Variants in TAFA2 observed in about 807,000 individuals in gnomAD.
TAFA2 encodes the protein chemokine-like protein TAFA-2.
A neutral mutation model predicts 18.8 loss-of-function variants in TAFA2; 7 were observed. The observed-to-expected ratio is 0.37, with a 90% CI of 0.21 to 0.70. TAFA2 has a LOEUF of 0.70. TAFA2 is among the 30% of genes least tolerant of loss of function. TAFA2 has a pLI of 0.53. For missense variants in TAFA2, 122 were observed against 158.1 expected, an observed-to-expected ratio of 0.77 and a Z score of 1.23; for synonymous variants, 60 against 54.2, an observed-to-expected ratio of 1.11 and a Z score of -0.47.
chr12:61,902,469 T>C (rs1876149117), intron 1 of TAFA2, among the ~76,000 whole-genome samples: 1 of 152,184 alleles, frequency 6.6e-6, no homozygotes, highest in African/African-American at 2.4e-5. Context: ...GAGCATACCC[T>C]TATTTTTTAA....
intron 1 of TAFA2, among the ~76,000 whole-genome samples, chr12:62,071,098 T>G (rs1209032643): frequency 1.3e-5 from 2 of 152,360 alleles, no homozygotes; most frequent in Non-Finnish European, 2.9e-5. Context: ...GTACTGTGAA[T>G]ACAGTGATGA....
chr12:61,847,386 G>T (rs1051243281), intron 2 of TAFA2, among the ~76,000 whole-genome samples: 1 of 152,056 alleles, frequency 6.6e-6, no homozygotes, highest in African/African-American at 2.4e-5. Flanking sequence ...ATACATATTT[G>T]TTGAATGAAT....
At chr12:62,035,612 A>T (rs1881579210) in intron 1 of TAFA2, among the ~76,000 whole-genome samples, 1 of 151,332 alleles carries the variant, frequency 6.6e-6, no homozygotes, top group Non-Finnish European at 1.5e-5. Flanking sequence ...GTGTGCCTGG[A>T]GTGGAGAGTG....
At chr12:62,216,683 C>T (rs1182801352) in intron 1 of TAFA2, among the ~76,000 whole-genome samples, 1 of 152,172 alleles carries the variant, frequency 6.6e-6, no homozygotes, top group Non-Finnish European at 1.5e-5. Flanking sequence ...ATTTTCCAAT[C>T]TTATTGGAAA....
At chr12:61,738,941 G>A (rs943517611) in intron 4 of TAFA2, among the ~76,000 whole-genome samples, 6 of 152,040 alleles carry the variant, frequency 3.9e-5, no homozygotes, top group African/African-American at 1.4e-4. Flanking sequence ...TTTGAGTTAT[G>A]AGAAAACTGG....
intron 2 of TAFA2, among the ~76,000 whole-genome samples, chr12:61,854,474 T>C (rs1035390281): frequency 2.0e-4 from 31 of 151,912 alleles, no homozygotes; most frequent in African/African-American, 7.5e-4. Context: ...AGGATATGAA[T>C]TGCCAGATAA....
At chr12:61,893,058 G>A (rs999195450) in intron 1 of TAFA2, among the ~76,000 whole-genome samples, 2 of 152,106 alleles carry the variant, frequency 1.3e-5, no homozygotes, top group African/African-American at 4.8e-5. Context: ...AACTTTAAAG[G>A]TGGAACAGAG....
In TAFA2 at chr12:62,000,362, C is replaced by T. The variant is rs750129208; in HGVS notation, c.-1-132936G>A. 8.9e-5 allele frequency among the ~76,000 whole-genome samples: 13 copies of T among 146,166 alleles called. 3 individuals carry two copies. The highest frequency in any genetic ancestry group is 1.5e-4 in the Non-Finnish European group (10 of 66,408). ...ATAGTAGTTGGCAAATACCTTGATA[C>T]GGCCATGGTAGCTGTGAACTAGATT... is the stretch of plus-strand genomic sequence containing the variant. On this transcript the variant is annotated intron_variant, in intron 1 of 4. Coordinates refer to ENST00000416284, the MANE Select transcript of TAFA2 (RefSeq NM_178539.5).
intron 1 of TAFA2, among the ~76,000 whole-genome samples, chr12:62,179,697 T>C (rs1592385862): frequency 6.6e-6 from 1 of 152,296 alleles, no homozygotes; most frequent in Non-Finnish European, 1.5e-5. Context: ...GATTTATTCT[T>C]TTCTAACTTC....
chr12:61,817,792 C>G (rs1041676709), intron 2 of TAFA2, among the ~76,000 whole-genome samples: 4 of 152,144 alleles, frequency 2.6e-5, no homozygotes, highest in Non-Finnish European at 1.5e-5. Context: ...AATCAGCTAC[C>G]TCAAAATGAC....
At chr12:61,721,144 T>C (rs953927772) in intron 4 of TAFA2, among the ~76,000 whole-genome samples, 1 of 152,060 alleles carries the variant, frequency 6.6e-6, no homozygotes, top group Non-Finnish European at 1.5e-5. Flanking sequence ...CACACACCTT[T>C]AAATGGGACT....
At chr12:62,211,309 G>A (rs987593569) in intron 1 of TAFA2, among the ~76,000 whole-genome samples, 6 of 152,196 alleles carry the variant, frequency 3.9e-5, no homozygotes, top group Non-Finnish European at 8.8e-5. Flanking sequence ...GCCAGGCACA[G>A]TGGCTCATGC....
At chr12:62,016,167 G>A (rs767218127) in intron 1 of TAFA2, among the ~76,000 whole-genome samples, 1 of 152,124 alleles carries the variant, frequency 6.6e-6, no homozygotes, top group Non-Finnish European at 1.5e-5. Context: ...CTGGGTCCTC[G>A]GTTTGTTTTT....
At chr12:61,785,834 T>C (rs562328850) in intron 2 of TAFA2, among the ~76,000 whole-genome samples, 16 of 151,706 alleles carry the variant, frequency 1.1e-4, no homozygotes, top group Middle Eastern at 3.4e-3. Context: ...TGTTAAGTGA[T>C]TCATGACTGT....
At chr12:62,234,916 T>G (rs2062829531) in intron 1 of TAFA2, 1 of 887,946 alleles carries the variant, frequency 1.1e-6, no homozygotes, top group Non-Finnish European at 1.9e-6. Context: ...GGGCAACATC[T>G]GAGCCACGGA....
At chr12:61,932,305 T>A (rs1292781058) in intron 1 of TAFA2, among the ~76,000 whole-genome samples, 1 of 152,172 alleles carries the variant, frequency 6.6e-6, no homozygotes, top group Non-Finnish European at 1.5e-5. Context: ...GTGTTCAGAT[T>A]TTGAAAAGAA....
At chr12:61,750,735 T>A (rs571389134) in intron 4 of TAFA2, among the ~76,000 whole-genome samples, 57 of 152,272 alleles carry the variant, frequency 3.7e-4, no homozygotes, top group Non-Finnish European at 2.1e-4. Flanking sequence ...CCAGATTGGC[T>A]ATGGGCCATT....
At chr12:62,071,338 A>T (rs866135946) in intron 1 of TAFA2, among the ~76,000 whole-genome samples, 3 of 152,200 alleles carry the variant, frequency 2.0e-5, no homozygotes, top group Admixed American at 1.3e-4. Flanking sequence ...GGATCACAAA[A>T]TAAGCTCAAA....
intron 1 of TAFA2, among the ~76,000 whole-genome samples, chr12:61,939,170 T>C (rs192441652): frequency 6.6e-6 from 1 of 152,202 alleles, no homozygotes; most frequent in African/African-American, 2.4e-5. Flanking sequence ...AGTTTTTCAA[T>C]GGTATCTGGA....
Sources: allele counts gnomAD v4.1 joint callset (sites outside exome capture counted in the v4.1 genomes callset), GRCh38; gene constraint gnomAD v4.1.1; transcripts MANE v1.5; gene names NCBI Gene and HGNC (gene_info 2026-07-23, HGNC 2026-07-21).